ZNF365: variants seen among roughly 807,000 people sequenced by gnomAD.
ZNF365 encodes the protein protein ZNF365.
A neutral mutation model predicts 35.0 loss-of-function variants in ZNF365; 22 were observed. That is an observed-to-expected ratio of 0.63 (90% CI 0.45 to 0.90). The LOEUF is 0.90. ZNF365 is among the 40% of genes least tolerant of loss of function. The probability of loss-of-function intolerance (pLI) is 0.00; values close to 1 mark genes in which losing one functional copy is unlikely to be tolerated. For missense variants in ZNF365, 448 were observed against 500.3 expected (o/e 0.90, Z 1.00); for synonymous variants, 188 against 196.2 (o/e 0.96, Z 0.35).
chr10:62,387,119 G>T (rs970598786), intron 2 of ZNF365, among the ~76,000 whole-genome samples: 1 of 152,188 alleles, frequency 6.6e-6, no homozygotes, highest in Admixed American at 6.5e-5. Flanking sequence ...ATACAAGGGT[G>T]ATGACTAAAA....
At chr10:62,465,688 C>T (rs1395956021) in intron 4 of ZNF365, among the ~76,000 whole-genome samples, 3 of 152,210 alleles carry the variant, frequency 2.0e-5, no homozygotes, top group African/African-American at 7.2e-5. Flanking sequence ...TTCTGCAGCT[C>T]AGTAAAGCTC....
At chr10:62,389,987 G>A (rs982581490) in intron 3 of ZNF365, among the ~76,000 whole-genome samples, 2 of 152,084 alleles carry the variant, frequency 1.3e-5, no homozygotes, top group African/African-American at 4.8e-5. Flanking sequence ...AGCGTGTCCA[G>A]CCTTGACTAG....
chr10:62,379,056 T>C (rs192848320), intron 2 of ZNF365, among the ~76,000 whole-genome samples: 251 of 146,150 alleles, frequency 1.7e-3, no homozygotes, highest in Middle Eastern at 7.2e-3. Flanking sequence ...AGAGTCTCAC[T>C]TTGTCACCCA....
chr10:62,437,368 T>C (rs1840424608), intron 3 of ZNF365, among the ~76,000 whole-genome samples: 1 of 152,226 alleles, frequency 6.6e-6, no homozygotes, highest in African/African-American at 2.4e-5. Flanking sequence ...GGTAACTTCG[T>C]CATGGTTTCC....
At chr10:62,452,986 G>A (rs1840707479) in intron 3 of ZNF365, among the ~76,000 whole-genome samples, 1 of 152,006 alleles carries the variant, frequency 6.6e-6, no homozygotes, top group Admixed American at 6.6e-5. Flanking sequence ...GAGATTTATT[G>A]GTAACATTTT....
intron 3 of ZNF365, among the ~76,000 whole-genome samples, chr10:62,397,919 AG>A (rs1367724640): frequency 6.6e-6 from 1 of 152,154 alleles, no homozygotes; most frequent in Admixed American, 6.5e-5. Flanking sequence ...TGGTTTTGGG[AG>A]GAACAGGTGG....
At chr10:62,472,341 A>G (rs2132491564) in intron 4 of ZNF365, among the ~76,000 whole-genome samples, 1 of 152,322 alleles carries the variant, frequency 6.6e-6, no homozygotes, top group Non-Finnish European at 1.5e-5. Flanking sequence ...TTGAATTGTG[A>G]CCCACTCCCA....
chr10:62,468,708 A>G (rs1840984506), intron 4 of ZNF365, among the ~76,000 whole-genome samples: 1 of 152,244 alleles, frequency 6.6e-6, no homozygotes, highest in Admixed American at 6.5e-5. Context: ...CATCCACATC[A>G]ATTTGTGAGG....
At chr10:62,378,768 G>T (rs185076084) in intron 2 of ZNF365, among the ~76,000 whole-genome samples, 2 of 152,194 alleles carry the variant, frequency 1.3e-5, no homozygotes, top group Admixed American at 6.5e-5. Flanking sequence ...CCAATTGCAC[G>T]CTGAATTGTT....
At chr10:62,406,972 T>G (rs974782997), downstream of ZNF365, among the ~76,000 whole-genome samples, 4 of 152,132 alleles carry the variant, frequency 2.6e-5, no homozygotes, top group African/African-American at 9.7e-5. Flanking sequence ...GGGCAGGGGC[T>G]CACCTTGCCA....
At chr10:62,448,303 G>A (rs1283311840) in intron 3 of ZNF365, among the ~76,000 whole-genome samples, 1 of 152,138 alleles carries the variant, frequency 6.6e-6, no homozygotes, top group Admixed American at 6.5e-5. Context: ...CATCAGGGGT[G>A]GAGACAGAGT....
intron 4 of ZNF365, 109 bp from the exon 5 acceptor site, chr10:62,399,419 C>A: frequency 6.8e-7 from 1 of 1,478,152 alleles, no homozygotes; most frequent in Non-Finnish European, 9.1e-7. Context: ...ATTATCACCA[C>A]TGTAGCATGT....
intron 1 of ZNF365, chr10:62,375,555 A>C (rs917717198): frequency 1.3e-5 from 2 of 152,440 alleles, no homozygotes; most frequent in Non-Finnish European, 2.9e-5. Context: ...TGCAGGCTTA[A>C]TGCCACTGTG....
chr10:62,429,506 T>C (rs933550770), intron 3 of ZNF365, among the ~76,000 whole-genome samples: 1 of 152,190 alleles, frequency 6.6e-6, no homozygotes, highest in African/African-American at 2.4e-5. Flanking sequence ...GATGAATAAA[T>C]GTACTTAACT....
rs945631353 is a variant in ZNF365, at chr10:62,399,907, C to T, written c.*118C>T. ...TAAGACACATTGGAAAAGCCAAGGGCATAACACAGGCAAGCACCTCAATTA... is the reference window on the plus strand; with the variant it reads ...TAAGACACATTGGAAAAGCCAAGGGTATAACACAGGCAAGCACCTCAATTA... On this transcript the variant is annotated 3_prime_UTR_variant, in exon 5 of 5. Coordinates refer to ENST00000395254, the MANE Select transcript of ZNF365 (RefSeq NM_014951.3). The T allele has an allele frequency of 3.5e-6, 5 of 1,440,056 alleles. No homozygotes were observed. The highest frequency in any genetic ancestry group is 2.8e-5 in the Admixed American group (1 of 35,718). 89.2% of individuals were successfully genotyped at this position (1,440,056 alleles called of 1,614,324 possible).
chr10:62,476,063 C>A (rs1218131070), intron 4 of ZNF365, among the ~76,000 whole-genome samples: 1 of 149,428 alleles, frequency 6.7e-6, no homozygotes, highest in Non-Finnish European at 1.5e-5. Flanking sequence ...ATTAAAAAAC[C>A]TTGGGTTTTC....
At chr10:62,414,242 C>G (rs1840036955) in intron 3 of ZNF365, among the ~76,000 whole-genome samples, 1 of 151,910 alleles carries the variant, frequency 6.6e-6, no homozygotes, top group Non-Finnish European at 1.5e-5. Context: ...TTCTGTCACC[C>G]AGGCTGGAAT....
At chr10:62,447,392 A>T (rs1349428440) in intron 3 of ZNF365, among the ~76,000 whole-genome samples, 3 of 152,184 alleles carry the variant, frequency 2.0e-5, no homozygotes, top group East Asian at 3.8e-4. Context: ...TTAAACCAGG[A>T]TCTAGCAAAT....
chr10:62,475,980 A>G, intron 4 of ZNF365, among the ~76,000 whole-genome samples: 1 of 152,188 alleles, frequency 6.6e-6, no homozygotes, highest in Admixed American at 6.5e-5. Flanking sequence ...AATCTCCTGC[A>G]TATGAGGGGT....
Sources: allele counts gnomAD v4.1 joint callset (sites outside exome capture counted in the v4.1 genomes callset), GRCh38; gene constraint gnomAD v4.1.1; transcripts MANE v1.5; gene names NCBI Gene and HGNC (gene_info 2026-07-23, HGNC 2026-07-21).